LDLRAD4: variants seen among roughly 807,000 people sequenced by gnomAD.
The protein encoded by LDLRAD4 is low density lipoprotein receptor class A domain containing 4.
A neutral mutation model predicts 17.0 loss-of-function variants in LDLRAD4; 5 were observed. The observed-to-expected ratio is 0.29, with a 90% confidence interval of 0.15 to 0.62. The LOEUF is 0.62. Among genes scored for constraint, LDLRAD4 ranks in the 20% least tolerant of loss-of-function variants. The pLI is 0.84. For missense variants in LDLRAD4, 340 were observed against 424.7 expected (o/e 0.80, Z 1.75); for synonymous variants, 168 against 171.8 (o/e 0.98, Z 0.17).
intron 3 of LDLRAD4, among the ~76,000 whole-genome samples, chr18:13,596,069 G>A (rs538565820): frequency 1.5e-4 from 23 of 152,244 alleles, no homozygotes; most frequent in African/African-American, 3.9e-4. Context: ...ATGTATATAT[G>A]TGTGTAACTG....
intron 3 of LDLRAD4, among the ~76,000 whole-genome samples, chr18:13,564,691 T>G (rs2094578305): frequency 8.9e-6 from 1 of 112,632 alleles, no homozygotes; most frequent in African/African-American, 2.9e-5. Context: ...ACCCCGCCTC[T>G]GCGCTGCCGC....
intron 1 of LDLRAD4, among the ~76,000 whole-genome samples, chr18:13,325,519 C>T (rs968198199): frequency 6.6e-6 from 1 of 152,196 alleles, no homozygotes; most frequent in African/African-American, 2.4e-5. Context: ...GCAGTCCGCC[C>T]ACCCCCTTTA....
intron 1 of LDLRAD4, chr18:13,279,793 C>A (rs142579192): frequency 6.6e-6 from 1 of 152,214 alleles, no homozygotes; most frequent in Non-Finnish European, 1.5e-5. Flanking sequence ...TGCAGAACTG[C>A]GTGGCGCTTC....
At chr18:13,453,696 C>G (rs911058459) in intron 3 of LDLRAD4, among the ~76,000 whole-genome samples, 5 of 152,142 alleles carry the variant, frequency 3.3e-5, no homozygotes, top group Non-Finnish European at 7.3e-5. Context: ...TCTTTGAGCC[C>G]CCGCTGAGAT....
At chr18:13,477,800 A>G (rs2092981804) in intron 3 of LDLRAD4, among the ~76,000 whole-genome samples, 1 of 152,230 alleles carries the variant, frequency 6.6e-6, no homozygotes, top group African/African-American at 2.4e-5. Context: ...CGTCTGATGC[A>G]GGCCCTGCTG....
rs2093225094 is a variant in LDLRAD4 at position 13,486,470 on chromosome 18, C to T, written c.181+48086C>T. ...GCATAAATCATCATCAGAAGGGAAT[C>T]TGGTGATATGTAGCAGAAGCCACCA... On this transcript the variant is annotated intron_variant, in intron 3 of 5. Transcript: ENST00000359446. 3 of 152,262 alleles carry T rather than the reference C, an allele frequency of 2.0e-5. No homozygotes were observed. In the South Asian group the frequency reaches 6.2e-4, roughly 31 times the overall value. The allele number at this position is 152,262 out of a possible 1,614,324, so 9.4% of individuals were successfully genotyped here. A position where few individuals can be genotyped will look rare whatever the true frequency, so the allele number is the denominator to read the frequency against.
At chr18:13,387,787 G>T in intron 2 of LDLRAD4, 25 bp downstream of exon 3, 1 of 1,610,104 alleles carries the variant, frequency 6.2e-7, no homozygotes, top group Non-Finnish European at 8.5e-7. Flanking sequence ...GGTAATCCGA[G>T]GCTTTGCCTC....
At chr18:13,493,961 G>A (rs923418013) in intron 3 of LDLRAD4, among the ~76,000 whole-genome samples, 6 of 152,244 alleles carry the variant, frequency 3.9e-5, no homozygotes, top group African/African-American at 4.8e-5. Flanking sequence ...GCATGGAGGC[G>A]TGTGGTCCAG....
intron 4 of LDLRAD4, among the ~76,000 whole-genome samples, chr18:13,623,391 T>G (rs1245341805): frequency 1.3e-5 from 2 of 152,232 alleles, no homozygotes; most frequent in Non-Finnish European, 2.9e-5. Flanking sequence ...GCACATACAG[T>G]GTTCCCCCTG....
chr18:13,552,984 T>G (rs909374115), intron 3 of LDLRAD4, among the ~76,000 whole-genome samples: 1 of 152,210 alleles, frequency 6.6e-6, no homozygotes, highest in Admixed American at 6.5e-5. Context: ...TGTTGCTCAT[T>G]TAAGACTTTA....
intron 1 of LDLRAD4, among the ~76,000 whole-genome samples, chr18:13,232,939 G>A (rs550183117): frequency 6.6e-6 from 1 of 152,330 alleles, no homozygotes; most frequent in East Asian, 1.9e-4. Context: ...GTTCCCTGAA[G>A]GGAACAGGAG....
intron 3 of LDLRAD4, among the ~76,000 whole-genome samples, chr18:13,610,286 T>C (rs911814240): frequency 6.2e-4 from 39 of 63,116 alleles, no homozygotes; most frequent in South Asian, 3.4e-3. Context: ...TTTTTTTTTT[T>C]TTTTTTTTTT....
In LDLRAD4 at chr18:13,425,165, T is replaced by C. The variant is rs1282656366; in HGVS notation, c.41-13079T>C. ...TTGAAGGCAGTAAATACAATAAAAG[T>C]TAATTATATGATTTATTGATTCATT... On this transcript the variant is annotated intron_variant, in intron 2 of 5. Coordinates refer to ENST00000359446, the Ensembl canonical transcript of LDLRAD4. Among the ~76,000 whole-genome samples, 7 of 152,274 alleles carry C rather than the reference T, an allele frequency of 4.6e-5. No individual in the cohort carries two copies. In the South Asian group the frequency reaches 1.5e-3, roughly 32 times the overall value.
intron 3 of LDLRAD4, among the ~76,000 whole-genome samples, chr18:13,507,203 A>G (rs2093707807): frequency 2.0e-5 from 3 of 152,064 alleles, no homozygotes; most frequent in Non-Finnish European, 2.9e-5. Context: ...TTTGGGGAAC[A>G]GGTGGTTTTG....
At chr18:13,644,906 A>G (rs2042932023) in intron 5 of LDLRAD4, 2 of 548,368 alleles carry the variant, frequency 3.6e-6, no homozygotes, top group Non-Finnish European at 6.4e-6. Context: ...GCCCTCCTGG[A>G]TGCGCTGGGA....
chr18:13,589,616 C>G (rs2094983282), intron 3 of LDLRAD4, among the ~76,000 whole-genome samples: 1 of 152,200 alleles, frequency 6.6e-6, no homozygotes, highest in Non-Finnish European at 1.5e-5. Flanking sequence ...GGACTCCCAC[C>G]TTTCCCCCAG....
chr18:13,485,428 T>C (rs1040166062), intron 3 of LDLRAD4, among the ~76,000 whole-genome samples: 1 of 152,192 alleles, frequency 6.6e-6, no homozygotes, highest in African/African-American at 2.4e-5. Context: ...CTGCTTCCTG[T>C]TGGGCATGAT....
At chr18:13,404,226 G>A (rs1040260363) in intron 2 of LDLRAD4, among the ~76,000 whole-genome samples, 2 of 152,218 alleles carry the variant, frequency 1.3e-5, no homozygotes, top group Non-Finnish European at 2.9e-5. Flanking sequence ...GGGTGCCGTG[G>A]CACAGGCCCC....
At chr18:13,533,823 A>C (rs1030650974) in intron 3 of LDLRAD4, among the ~76,000 whole-genome samples, 1 of 152,070 alleles carries the variant, frequency 6.6e-6, no homozygotes, top group Non-Finnish European at 1.5e-5. Flanking sequence ...TTCTCTCTTG[A>C]CTCTGATGTG....
Sources: allele counts gnomAD v4.1 joint callset (sites outside exome capture counted in the v4.1 genomes callset), GRCh38; gene constraint gnomAD v4.1.1; transcripts MANE v1.5; gene names NCBI Gene and HGNC (gene_info 2026-07-23, HGNC 2026-07-21).